ZBTB20: variants seen among roughly 807,000 people sequenced by gnomAD.
ZBTB20 encodes the protein zinc finger and BTB domain containing 20, also known as zinc finger and BTB domain-containing protein 20.
ZBTB20 carries 9 observed loss-of-function variants against 56.9 expected under a neutral mutation model. The ratio of observed to expected loss-of-function variants is 0.16; its 90% CI spans 0.10 to 0.28. The LOEUF is 0.28. Among genes scored for constraint, ZBTB20 ranks in the 10% least tolerant of loss-of-function variants. The probability of loss-of-function intolerance (pLI) is 1.00; values close to 1 mark genes in which losing one functional copy is unlikely to be tolerated. For synonymous variants in ZBTB20, 417 were observed against 420.7 expected (o/e 0.99, Z 0.11); for missense variants, 655 against 1,003.0 (o/e 0.65, Z 4.69).
rs1226855461 is a variant in ZBTB20, at chr3:114,573,472, A to G, written c.-294-73081T>C. Among the ~76,000 whole-genome samples the G allele has an allele frequency of 3.3e-5, 5 of 151,556 alleles. No individual in the cohort carries two copies. In the East Asian group the frequency reaches 9.6e-4, roughly 29 times the overall value. ...AGACTCCAACAAAAAAGAAAAAAAA[A>G]AAAAGAAAGAAAGACAGAAAGAAAG... On this transcript the variant is annotated intron_variant, in intron 6 of 11. Coordinates refer to ENST00000675478, the MANE Select transcript of ZBTB20 (RefSeq NM_001348800.3).
chr3:114,639,727 C>A (rs1369165365), intron 6 of ZBTB20, among the ~76,000 whole-genome samples: 1 of 151,902 alleles, frequency 6.6e-6, no homozygotes, highest in African/African-American at 2.4e-5. Context: ...CAATAGTTAG[C>A]AATACGAGTT....
chr3:114,472,659 G>C (rs2040272169), intron 7 of ZBTB20, among the ~76,000 whole-genome samples: 1 of 151,766 alleles, frequency 6.6e-6, no homozygotes, highest in South Asian at 2.1e-4. Context: ...AGTGAGCCGA[G>C]ATTGTGCCAT....
intron 4 of ZBTB20, among the ~76,000 whole-genome samples, chr3:114,812,183 C>T (rs890013519): frequency 1.3e-5 from 2 of 150,064 alleles, no homozygotes; most frequent in South Asian, 2.1e-4. Flanking sequence ...CTGCTGGCTC[C>T]GGCAGCCTGC....
chr3:114,875,766 A>G (rs1203983056), intron 4 of ZBTB20, among the ~76,000 whole-genome samples: 1 of 152,154 alleles, frequency 6.6e-6, no homozygotes, highest in Non-Finnish European at 1.5e-5. Flanking sequence ...CTGCAAAATT[A>G]AAATAATAAC....
At chr3:114,825,636 A>G (rs1428912971) in intron 4 of ZBTB20, among the ~76,000 whole-genome samples, 15 of 151,870 alleles carry the variant, frequency 9.9e-5, no homozygotes, top group Non-Finnish European at 4.4e-5. Flanking sequence ...GCAAAGCGAC[A>G]GGAATTAAAA....
intron 2 of ZBTB20, among the ~76,000 whole-genome samples, chr3:114,995,107 G>A (rs2108177014): frequency 6.6e-6 from 1 of 151,960 alleles, no homozygotes; most frequent in Admixed American, 6.6e-5. Context: ...TATAAAAATA[G>A]TAAAAATATG....
chr3:114,732,405 C>G (rs1415124402), intron 5 of ZBTB20, among the ~76,000 whole-genome samples: 2 of 152,062 alleles, frequency 1.3e-5, no homozygotes, highest in African/African-American at 4.8e-5. Context: ...CAGAGATAGA[C>G]CTGCAAACTG....
At chr3:115,118,594 A>G (rs1576805061) in intron 1 of ZBTB20, among the ~76,000 whole-genome samples, 1 of 152,126 alleles carries the variant, frequency 6.6e-6, no homozygotes, top group South Asian at 2.1e-4. Context: ...TAAGAAAGTG[A>G]CATCTAATGA....
At chr3:114,367,932 C>A (rs1311870463) in intron 10 of ZBTB20, among the ~76,000 whole-genome samples, 5 of 152,190 alleles carry the variant, frequency 3.3e-5, no homozygotes, top group Non-Finnish European at 5.9e-5. Flanking sequence ...CACACAATCT[C>A]CTCCCATAGA....
chr3:114,632,495 T>A (rs1273934622), intron 6 of ZBTB20, among the ~76,000 whole-genome samples: 1 of 152,190 alleles, frequency 6.6e-6, no homozygotes, highest in Non-Finnish European at 1.5e-5. Flanking sequence ...TATGACCCAC[T>A]ATACTTAACC....
chr3:114,935,758 G>T (rs1343703294), intron 3 of ZBTB20, among the ~76,000 whole-genome samples: 2 of 152,100 alleles, frequency 1.3e-5, no homozygotes, highest in Non-Finnish European at 2.9e-5. Flanking sequence ...GTGCTATTTG[G>T]TTTTAAGCAC....
intron 6 of ZBTB20, among the ~76,000 whole-genome samples, chr3:114,538,422 A>G (rs1162040362): frequency 6.6e-6 from 1 of 152,078 alleles, no homozygotes; most frequent in Non-Finnish European, 1.5e-5. Flanking sequence ...CATCTATTAC[A>G]CAAACTTCCT....
intron 2 of ZBTB20, among the ~76,000 whole-genome samples, chr3:114,978,293 T>C (rs2078188387): frequency 6.7e-6 from 1 of 148,370 alleles, no homozygotes; most frequent in Non-Finnish European, 1.5e-5. Context: ...ATAGTAATAC[T>C]TATTACTATT....
intron 5 of ZBTB20, among the ~76,000 whole-genome samples, chr3:114,745,150 T>G (rs1560197452): frequency 6.6e-6 from 1 of 152,142 alleles, no homozygotes; most frequent in African/African-American, 2.4e-5. Flanking sequence ...TGTTTTTGAA[T>G]AGAAAGGAAG....
intron 3 of ZBTB20, among the ~76,000 whole-genome samples, chr3:114,971,676 T>G (rs537941386): frequency 6.6e-6 from 1 of 152,250 alleles, no homozygotes; most frequent in African/African-American, 2.4e-5. Flanking sequence ...ATGAGAAGAA[T>G]GGATGGTTTT....
At chr3:114,587,324 A>G (rs1475728820) in intron 6 of ZBTB20, among the ~76,000 whole-genome samples, 1 of 152,108 alleles carries the variant, frequency 6.6e-6, no homozygotes, top group African/African-American at 2.4e-5. Flanking sequence ...CTTAAAGAAC[A>G]TAACAGAATG....
intron 7 of ZBTB20, among the ~76,000 whole-genome samples, chr3:114,464,071 T>C (rs2092439772): frequency 6.6e-6 from 1 of 152,224 alleles, no homozygotes; most frequent in Admixed American, 6.5e-5. Flanking sequence ...CTGAGGACAA[T>C]TCCTGATTTA....
chr3:114,623,811 C>T (rs2058483604), intron 6 of ZBTB20, among the ~76,000 whole-genome samples: 1 of 151,832 alleles, frequency 6.6e-6, no homozygotes, highest in Non-Finnish European at 1.5e-5. Flanking sequence ...CCCCACTCAC[C>T]TATCTTCCTC....
chr3:114,817,488 A>T (rs112613950), intron 4 of ZBTB20, among the ~76,000 whole-genome samples: 1 of 151,748 alleles, frequency 6.6e-6, no homozygotes, highest in Non-Finnish European at 1.5e-5. Context: ...ATTGCACTAT[A>T]GCCTGGGCAA....
Sources: allele counts gnomAD v4.1 joint callset (sites outside exome capture counted in the v4.1 genomes callset), GRCh38; gene constraint gnomAD v4.1.1; transcripts MANE v1.5; gene names NCBI Gene and HGNC (gene_info 2026-07-23, HGNC 2026-07-21).